MAGI2: variants seen among roughly 807,000 people sequenced by gnomAD.
MAGI2 encodes the protein membrane associated guanylate kinase, WW and PDZ domain containing 2, also known as membrane-associated guanylate kinase, WW and PDZ domain-containing protein 2.
In MAGI2, 35 loss-of-function variants were observed where a neutral mutation model predicts 133.3. The observed-to-expected ratio is 0.26, with a 90% confidence interval of 0.20 to 0.35. The LOEUF is 0.35. Among genes scored for constraint, MAGI2 ranks in the 10% least tolerant of loss-of-function variants. The pLI, the probability that MAGI2 is intolerant of heterozygous loss-of-function variation, is 1.00. For missense variants in MAGI2, 1,636 were observed against 1,863.4 expected (o/e 0.88, Z 2.25); for synonymous variants, 729 against 710.6 (o/e 1.03, Z -0.41).
intron 2 of MAGI2, among the ~76,000 whole-genome samples, chr7:78,750,219 T>C (rs986960933): frequency 1.3e-5 from 2 of 152,220 alleles, no homozygotes; most frequent in African/African-American, 4.8e-5. Context: ...ACTCACCCTT[T>C]TTTACGGCTG....
chr7:79,115,607 G>A (rs914834352), intron 1 of MAGI2, among the ~76,000 whole-genome samples: 1 of 152,076 alleles, frequency 6.6e-6, no homozygotes, highest in African/African-American at 2.4e-5. Context: ...GCTGGGAATT[G>A]TCAGGTAATT....
intron 6 of MAGI2, among the ~76,000 whole-genome samples, chr7:78,420,309 A>G (rs1187646349): frequency 6.6e-6 from 1 of 152,206 alleles, no homozygotes; most frequent in African/African-American, 2.4e-5. Context: ...GAAGTAAAGA[A>G]TTACTCCATG....
chr7:78,830,680 G>C (rs1791067266), intron 2 of MAGI2, among the ~76,000 whole-genome samples: 1 of 152,186 alleles, frequency 6.6e-6, no homozygotes, highest in African/African-American at 2.4e-5. Context: ...AAAAATGGGA[G>C]TGAGGGGTAG....
chr7:78,631,796 A>G (rs1809032431), intron 2 of MAGI2, among the ~76,000 whole-genome samples: 1 of 152,214 alleles, frequency 6.6e-6, no homozygotes, highest in Non-Finnish European at 1.5e-5. Flanking sequence ...GTTCAGATGA[A>G]GGAGAAACTA....
rs1842142021 is a variant in MAGI2 at position 79,358,075 on chromosome 7, T to C, written c.301+94945A>G. Among the ~76,000 whole-genome samples, 5 of 151,982 alleles carry C rather than the reference T, an allele frequency of 3.3e-5. No individual in the cohort carries two copies. The South Asian group carries it at 1.0e-3, about 32-fold the overall frequency. ...TCAACATATTAATATTTAAAAGAAA[T>C]GTATTATTAATGAGCTACTAGGTCC... On this transcript the variant is annotated intron_variant, in intron 1 of 21. Coordinates refer to ENST00000354212, the MANE Select transcript of MAGI2 (RefSeq NM_012301.4).
At chr7:78,243,263 ACACACACTCT>A (rs752413675) in intron 10 of MAGI2, among the ~76,000 whole-genome samples, 11,930 of 61,840 alleles carry the variant, frequency 0.19, 583 homozygotes, top group South Asian at 0.27. Flanking sequence ...ACACACACAC[ACACACACTCT>A]CTCTCTCTCT....
At chr7:78,093,707 C>T (rs1462328069) in intron 20 of MAGI2, among the ~76,000 whole-genome samples, 1 of 152,096 alleles carries the variant, frequency 6.6e-6, no homozygotes, top group African/African-American at 2.4e-5. Context: ...TCTAACTAGA[C>T]TTAAATTATT....
chr7:79,435,061 T>A (rs947238237), intron 1 of MAGI2, among the ~76,000 whole-genome samples: 1 of 152,182 alleles, frequency 6.6e-6, no homozygotes, highest in African/African-American at 2.4e-5. Flanking sequence ...GAACATAACA[T>A]CAGTGTTCCT....
At chr7:78,092,594 G>A (rs1157132937) in intron 20 of MAGI2, among the ~76,000 whole-genome samples, 4 of 152,152 alleles carry the variant, frequency 2.6e-5, no homozygotes, top group Non-Finnish European at 5.9e-5. Context: ...GAGTATTTAA[G>A]TGACATCACT....
At chr7:79,334,928 A>C (rs1840334359) in intron 1 of MAGI2, among the ~76,000 whole-genome samples, 1 of 152,154 alleles carries the variant, frequency 6.6e-6, no homozygotes, top group Non-Finnish European at 1.5e-5. Flanking sequence ...GGGCTACTTG[A>C]AGAACATTCA....
At chr7:78,833,608 T>C (rs1192866822) in intron 2 of MAGI2, among the ~76,000 whole-genome samples, 1 of 152,154 alleles carries the variant, frequency 6.6e-6, no homozygotes, top group East Asian at 1.9e-4. Flanking sequence ...TGGGCTTGGG[T>C]GTGTCCCTGA....
chr7:78,146,613 G>T lies in MAGI2; in HGVS notation c.2846-11407C>A, dbSNP rs56059588. Among the ~76,000 whole-genome samples, 130 of 152,152 alleles carry T rather than the reference G, an allele frequency of 8.5e-4. 1 individual carries two copies. The highest frequency in any genetic ancestry group is 1.6e-3 in the Non-Finnish European group (109 of 67,994). On this transcript the variant is annotated intron_variant, in intron 16 of 21. Coordinates refer to ENST00000354212, the MANE Select transcript of MAGI2 (RefSeq NM_012301.4). ...TACCTTTCATCAACTTCAGGTTTAG[G>T]GTTAAAAATGTTCAATAAAACTACA...
chr7:78,289,061 C>T (rs551549210), intron 9 of MAGI2, among the ~76,000 whole-genome samples: 10 of 152,166 alleles, frequency 6.6e-5, no homozygotes, highest in South Asian at 2.1e-4. Context: ...TCCAAAGGAA[C>T]GCAGCTCCTC....
chr7:78,385,648 T>G (rs1347663093), intron 6 of MAGI2, among the ~76,000 whole-genome samples: 2 of 152,158 alleles, frequency 1.3e-5, no homozygotes, highest in Non-Finnish European at 2.9e-5. Flanking sequence ...AATAATTTCC[T>G]CTCTAGATTA....
chr7:79,241,032 A>G (rs1304485876), intron 1 of MAGI2, among the ~76,000 whole-genome samples: 2 of 152,074 alleles, frequency 1.3e-5, no homozygotes, highest in Non-Finnish European at 2.9e-5. Context: ...TGGAAAAAAT[A>G]TAAAGAACCA....
At chr7:78,109,087 G>A (rs1297637427) in intron 20 of MAGI2, among the ~76,000 whole-genome samples, 2 of 151,368 alleles carry the variant, frequency 1.3e-5, no homozygotes, top group Non-Finnish European at 2.9e-5. Flanking sequence ...GGCGGATCAC[G>A]AGGTCAGGAG....
intron 6 of MAGI2, among the ~76,000 whole-genome samples, chr7:78,373,950 T>C (rs1250457421): frequency 1.3e-5 from 2 of 152,232 alleles, no homozygotes; most frequent in East Asian, 1.9e-4. Context: ...TGTGGCTGCA[T>C]AGTATTCCAT....
At chr7:78,102,527 G>A (rs778400580) in intron 20 of MAGI2, among the ~76,000 whole-genome samples, 15 of 152,134 alleles carry the variant, frequency 9.9e-5, no homozygotes, top group Non-Finnish European at 1.8e-4. Flanking sequence ...ATTTAAAAAA[G>A]AAAATTATCT....
At chr7:78,233,104 C>T (rs564810166) in intron 10 of MAGI2, among the ~76,000 whole-genome samples, 71 of 152,262 alleles carry the variant, frequency 4.7e-4, no homozygotes, top group South Asian at 2.5e-3. Flanking sequence ...TCTTTGCCTT[C>T]TAGAGGCCAT....
Sources: allele counts gnomAD v4.1 joint callset (sites outside exome capture counted in the v4.1 genomes callset), GRCh38; gene constraint gnomAD v4.1.1; transcripts MANE v1.5; gene names NCBI Gene and HGNC (gene_info 2026-07-23, HGNC 2026-07-21).